The following PCDHA13 variants were observed in gnomAD, a reference collection of about 807,000 sequenced individuals.
PCDHA13 encodes protocadherin alpha 13.
A neutral mutation model predicts 64.8 loss-of-function variants in PCDHA13; 54 were observed. That is an observed-to-expected ratio of 0.83 (90% CI 0.67 to 1.04). The LOEUF (loss-of-function observed/expected upper bound fraction) is 1.04. Among genes scored for constraint, PCDHA13 ranks in the 50% least tolerant of loss-of-function variants. The pLI, the probability that PCDHA13 is intolerant of heterozygous loss-of-function variation, is 0.00. For missense variants in PCDHA13, 1,248 were observed against 1,254.3 expected, an observed-to-expected ratio of 0.99 and a Z score of 0.08; for synonymous variants, 587 against 564.4, an observed-to-expected ratio of 1.04 and a Z score of -0.57.
intron 1 of PCDHA13, chr5:140,967,878 A>G: frequency 6.2e-7 from 1 of 1,614,152 alleles, no homozygotes; most frequent in Non-Finnish European, 8.5e-7. Flanking sequence ...ACGGACCTGT[A>G]TAGCCCAGTG....
At chr5:140,994,485 C>T (rs573689251) in intron 3 of PCDHA13, among the ~76,000 whole-genome samples, 2 of 152,146 alleles carry the variant, frequency 1.3e-5, no homozygotes, top group South Asian at 2.1e-4. Flanking sequence ...GGTGGATTGC[C>T]TGAACCCAGG....
At chr5:140,926,129 G>C (rs2082926412) in intron 1 of PCDHA13, among the ~76,000 whole-genome samples, 1 of 152,178 alleles carries the variant, frequency 6.6e-6, no homozygotes, top group African/African-American at 2.4e-5. Flanking sequence ...ACTTCAACCC[G>C]CAGCAGGATC....
At chr5:140,968,881 C>A in intron 1 of PCDHA13, 1 of 1,614,154 alleles carries the variant, frequency 6.2e-7, no homozygotes, top group Non-Finnish European at 8.5e-7. Context: ...CTGAAATTAC[C>A]CTTTATCTAA....
intron 1 of PCDHA13, among the ~76,000 whole-genome samples, chr5:140,950,519 A>G (rs1359001168): frequency 6.6e-6 from 1 of 152,034 alleles, no homozygotes; most frequent in Non-Finnish European, 1.5e-5. Flanking sequence ...TGTGTGCGAT[A>G]TGATTGTTTT....
intron 1 of PCDHA13, among the ~76,000 whole-genome samples, chr5:140,947,415 G>C (rs116670354): frequency 0.021 from 3,167 of 151,674 alleles, 64 homozygotes; most frequent in Admixed American, 0.045. Flanking sequence ...TGATATTGTA[G>C]CTTTATAAAT....
intron 1 of PCDHA13, among the ~76,000 whole-genome samples, chr5:140,891,208 C>T (rs2062983751): frequency 1.3e-5 from 2 of 152,002 alleles, no homozygotes; most frequent in African/African-American, 4.8e-5. Context: ...TTTTACCATG[C>T]TGTGTCTTTA....
chr5:140,883,651 G>T lies in PCDHA13; in HGVS notation c.1383G>T (p.Thr461=). ...NAPAFAQPEY[T]VFVKENNPPG... is the part of the protein sequence containing the mutation. ...CGGCGTTCGCGCAGCCCGAGTACACGGTGTTCGTGAAGGAAAACAATCCGC... is the reference window on the plus strand; with the variant it reads ...CGGCGTTCGCGCAGCCCGAGTACACTGTGTTCGTGAAGGAAAACAATCCGC... Residue 461 remains threonine, a synonymous_variant, in exon 1 of 4, where the codon ACG becomes ACT. Coordinates refer to ENST00000289272, the MANE Select transcript of PCDHA13 (RefSeq NM_018904.3). 6.2e-7 allele frequency: 1 copy of T among 1,613,652 alleles called. No individual in the cohort carries two copies.
At chr5:140,984,945 C>A (rs1316955910) in intron 3 of PCDHA13, among the ~76,000 whole-genome samples, 1 of 149,212 alleles carries the variant, frequency 6.7e-6, no homozygotes, top group Non-Finnish European at 1.5e-5. Flanking sequence ...AATGTCTAAT[C>A]TTTTTTTTTT....
chr5:140,989,534 A>G (rs1201139003), intron 3 of PCDHA13, among the ~76,000 whole-genome samples: 1 of 152,184 alleles, frequency 6.6e-6, no homozygotes, highest in African/African-American at 2.4e-5. Flanking sequence ...GGAGGAAGAT[A>G]GTTTGTAATT....
At chr5:141,005,490 TC>T (rs1451220963) in intron 3 of PCDHA13, among the ~76,000 whole-genome samples, 1 of 151,242 alleles carries the variant, frequency 6.6e-6, no homozygotes. Flanking sequence ...GATCATGAGG[TC>T]AGGAGATCGA....
At chr5:141,000,421 AT>A (rs34755515) in intron 3 of PCDHA13, among the ~76,000 whole-genome samples, 491 of 27,806 alleles carry the variant, frequency 0.018, 4 homozygotes, top group South Asian at 0.021. Flanking sequence ...ATATATATAT[AT>A]TTTTTTTTTT....
chr5:140,980,252 A>C (rs993133768), intron 2 of PCDHA13, among the ~76,000 whole-genome samples: 6 of 152,188 alleles, frequency 3.9e-5, no homozygotes, highest in African/African-American at 1.4e-4. Context: ...CAATGGGTAA[A>C]AGCATGGTTT....
Position 140,886,556 on chromosome 5 carries a change from G to A in PCDHA13, c.2394+1894G>A, listed in dbSNP as rs368447778. On this transcript the variant is annotated intron_variant, in intron 1 of 3. Coordinates refer to ENST00000289272, the MANE Select transcript of PCDHA13 (RefSeq NM_018904.3). ...TAGAAAGGTCTTCCCAGCTGGGCACGGTGGCTCACGCCTGTAATCCCAGCA... is the reference window on the plus strand; with the variant it reads ...TAGAAAGGTCTTCCCAGCTGGGCACAGTGGCTCACGCCTGTAATCCCAGCA... Among the ~76,000 whole-genome samples, 30 of 151,832 alleles carry A rather than the reference G, an allele frequency of 2.0e-4. No individual in the cohort carries two copies. The East Asian group carries it at 5.5e-3, about 28-fold the overall frequency.
At chr5:140,909,101 G>C (rs1242179195) in intron 1 of PCDHA13, among the ~76,000 whole-genome samples, 1 of 152,122 alleles carries the variant, frequency 6.6e-6, no homozygotes, top group Non-Finnish European at 1.5e-5. Flanking sequence ...CACTCACTGG[G>C]TCCAATCAGC....
intron 1 of PCDHA13, among the ~76,000 whole-genome samples, chr5:140,937,187 G>A (rs1443565443): frequency 6.6e-6 from 1 of 151,764 alleles, no homozygotes; most frequent in Non-Finnish European, 1.5e-5. Context: ...ACAGGCGCCC[G>A]CCACCATGCC....
Position 140,938,107 on chromosome 5 carries a change from T to C in PCDHA13, c.2395-40842T>C, listed in dbSNP as rs73266057. On this transcript the variant is annotated intron_variant, in intron 1 of 3. Coordinates refer to ENST00000289272, the MANE Select transcript of PCDHA13 (RefSeq NM_018904.3). ...TAGTTTTATTATTGTATTTTTTACT[T>C]TCTCTCTTTTTTTAAAAAAATAGAG... is the stretch of plus-strand genomic sequence containing the variant. 3.3e-3 allele frequency among the ~76,000 whole-genome samples: 502 copies of C among 152,318 alleles called. 3 individuals carry two copies. Among genetic ancestry groups the C allele is most frequent in the African/African-American group, 0.012 (483 of 41,576 alleles).
chr5:140,919,981 T>TA (rs869118855), intron 1 of PCDHA13, among the ~76,000 whole-genome samples: 2 of 133,388 alleles, frequency 1.5e-5, no homozygotes, highest in Admixed American at 7.6e-5. Flanking sequence ...AGATAGAAGA[T>TA]GGAAAACAGA....
intron 1 of PCDHA13, among the ~76,000 whole-genome samples, chr5:140,895,297 T>TC (rs1269688627): frequency 1.3e-5 from 2 of 152,118 alleles, no homozygotes; most frequent in African/African-American, 2.4e-5. Context: ...ACCTTCGATT[T>TC]CCCCCCTTCC....
intron 1 of PCDHA13, among the ~76,000 whole-genome samples, chr5:140,908,701 C>A (rs2074102440): frequency 6.6e-6 from 1 of 152,218 alleles, no homozygotes; most frequent in Admixed American, 6.5e-5. Context: ...ACACCTCAAG[C>A]ACCATTGGAT....
Sources: gnomAD v4.1 joint callset for allele counts (sites outside exome capture counted in the v4.1 genomes callset) on GRCh38, gnomAD v4.1.1 for gene constraint, MANE v1.5 for transcripts, NCBI Gene and HGNC (gene_info 2026-07-23, HGNC 2026-07-21) for gene names.